The following TASP1 variants were observed in gnomAD, a reference collection of about 807,000 sequenced individuals.
TASP1 encodes the protein taspase 1.
A neutral mutation model predicts 56.6 loss-of-function variants in TASP1; 16 were observed. The observed-to-expected ratio is 0.28, with a 90% confidence interval of 0.19 to 0.43. The LOEUF (loss-of-function observed/expected upper bound fraction) is 0.43, where lower values mean the gene tolerates loss of function less well. TASP1 is among the 20% of genes least tolerant of loss of function. TASP1 has a pLI of 1.00. For synonymous variants in TASP1, 179 were observed against 184.2 expected (o/e 0.97, Z 0.23); for missense variants, 393 against 511.6 (o/e 0.77, Z 2.24).
the TASP1 span, among the ~76,000 whole-genome samples, chr20:13,177,834 TCAG>T: frequency 6.6e-6 from 1 of 152,104 alleles, no homozygotes; most frequent in Admixed American, 6.6e-5. Flanking sequence ...CAGAAATGCT[TCAG>T]GACATTGGTC....
intron 4 of TASP1, among the ~76,000 whole-genome samples, chr20:13,601,853 ACCCATAAC>A (rs2047968919): frequency 6.7e-6 from 1 of 149,260 alleles, no homozygotes; most frequent in African/African-American, 2.5e-5. Context: ...CCACCTAAAA[ACCCATAAC>A]CCCATTCTTT....
intron 5 of TASP1, among the ~76,000 whole-genome samples, chr20:13,583,717 C>T (rs527884124): frequency 1.3e-5 from 2 of 152,286 alleles, no homozygotes; most frequent in South Asian, 2.1e-4. Context: ...GCATAGGCCT[C>T]ATAACGGTAT....
chr20:13,550,998 G>A (rs934102499), intron 8 of TASP1, among the ~76,000 whole-genome samples: 2 of 152,016 alleles, frequency 1.3e-5, no homozygotes, highest in African/African-American at 4.8e-5. Flanking sequence ...TGGATAAAAG[G>A]GAAAAATGTT....
the TASP1 span, among the ~76,000 whole-genome samples, chr20:13,180,411 A>G: frequency 6.6e-6 from 1 of 152,138 alleles, no homozygotes; most frequent in Non-Finnish European, 1.5e-5. Flanking sequence ...CTTCCCCATC[A>G]TGTCCACCAG....
chr20:13,218,218 T>C, the TASP1 span, among the ~76,000 whole-genome samples: 1 of 138,850 alleles, frequency 7.2e-6, no homozygotes, highest in Non-Finnish European at 1.5e-5. Context: ...ACCACTACAC[T>C]CCAGCCTGGG....
intron 8 of TASP1, among the ~76,000 whole-genome samples, chr20:13,550,165 C>CAA (rs2147001731): frequency 1.3e-5 from 2 of 151,390 alleles, no homozygotes; most frequent in South Asian, 4.2e-4. Context: ...CACACACACA[C>CAA]ACACACACAC....
intron 13 of TASP1, among the ~76,000 whole-genome samples, chr20:13,394,156 T>C (rs1179125352): frequency 6.6e-6 from 1 of 150,572 alleles, no homozygotes; most frequent in East Asian, 2.0e-4. Context: ...TGGTGGTGCA[T>C]GCCTGTAATC....
chr20:13,181,754 C>A, the TASP1 span, among the ~76,000 whole-genome samples: 1 of 152,158 alleles, frequency 6.6e-6, no homozygotes, highest in African/African-American at 2.4e-5. Flanking sequence ...TGAGTTGCCT[C>A]AGAGGAGTTA....
chr20:13,387,325 T>A (rs2041171505), downstream of TASP1, among the ~76,000 whole-genome samples: 1 of 151,428 alleles, frequency 6.6e-6, no homozygotes, highest in South Asian at 2.1e-4. Context: ...TCCCAATTAG[T>A]TGGGATTACA....
At chr20:13,469,023 T>C (rs780642446) in intron 11 of TASP1, among the ~76,000 whole-genome samples, 1 of 152,114 alleles carries the variant, frequency 6.6e-6, no homozygotes, top group Non-Finnish European at 1.5e-5. Flanking sequence ...ATCAAGTCCA[T>C]GGTCCCCCAA....
At chr20:13,144,529 C>G in the TASP1 span, among the ~76,000 whole-genome samples, 4,982 of 152,250 alleles carry the variant, frequency 0.033, 250 homozygotes, top group African/African-American at 0.11. Flanking sequence ...ACCTAACGCA[C>G]AAATCTATTG....
intron 9 of TASP1, 76 bp from the exon 10 acceptor site, chr20:13,528,587 C>T (rs951495289): frequency 1.2e-5 from 15 of 1,279,216 alleles, no homozygotes; most frequent in South Asian, 5.8e-5. Flanking sequence ...GAAATCATAC[C>T]CTCTAATAAA....
At chr20:13,247,407 A>C in the TASP1 span, among the ~76,000 whole-genome samples, 13 of 151,960 alleles carry the variant, frequency 8.6e-5, no homozygotes, top group Non-Finnish European at 1.6e-4. Flanking sequence ...CCATCTGATG[A>C]AGTTATCAGT....
the TASP1 span, among the ~76,000 whole-genome samples, chr20:13,175,750 T>A: frequency 2.8e-4 from 43 of 152,172 alleles, no homozygotes; most frequent in Admixed American, 1.4e-3. Flanking sequence ...CATTAGAAAA[T>A]ATCTCTGAAA....
At chr20:13,193,008 T>A in the TASP1 span, among the ~76,000 whole-genome samples, 1 of 152,206 alleles carries the variant, frequency 6.6e-6, no homozygotes, top group East Asian at 1.9e-4. Context: ...ATATGAAGTG[T>A]GTTATAATGT....
chr20:13,486,316 AG>A (rs2043316921), intron 10 of TASP1, among the ~76,000 whole-genome samples: 1 of 152,200 alleles, frequency 6.6e-6, no homozygotes, highest in Non-Finnish European at 1.5e-5. Context: ...ACATCTTAGC[AG>A]AAAACATGGA....
the TASP1 span, among the ~76,000 whole-genome samples, chr20:13,191,176 T>C: frequency 6.6e-6 from 1 of 152,090 alleles, no homozygotes; most frequent in Admixed American, 6.6e-5. Flanking sequence ...AACAAAACAG[T>C]ATAAAACTTT....
intron 5 of TASP1, among the ~76,000 whole-genome samples, chr20:13,583,688 G>A (rs1468709325): frequency 6.6e-6 from 1 of 152,110 alleles, no homozygotes; most frequent in Non-Finnish European, 1.5e-5. Flanking sequence ...ACCTCAAAAT[G>A]GTATTACATA....
intron 11 of TASP1, among the ~76,000 whole-genome samples, chr20:13,442,991 T>C (rs1013235708): frequency 9.9e-5 from 15 of 152,202 alleles, no homozygotes; most frequent in African/African-American, 3.6e-4. Flanking sequence ...ATAACAGATA[T>C]TAAAAGACAT....
Sources: gnomAD v4.1 joint callset for allele counts (sites outside exome capture counted in the v4.1 genomes callset) on GRCh38, gnomAD v4.1.1 for gene constraint, MANE v1.5 for transcripts, NCBI Gene and HGNC (gene_info 2026-07-23, HGNC 2026-07-21) for gene names.